RAPGEF2: variants seen among roughly 807,000 people sequenced by gnomAD.
RAPGEF2 encodes PDZ domain containing guanine nucleotide exchange factor (GEF) 1.
In RAPGEF2, 54 loss-of-function variants were observed where a neutral mutation model predicts 186.7. The observed-to-expected ratio is 0.29, with a 90% confidence interval of 0.23 to 0.36. The LOEUF is 0.36. Ranked by LOEUF, RAPGEF2 falls within the 10% of genes least tolerant of loss-of-function variation. The pLI, the probability that RAPGEF2 is intolerant of heterozygous loss-of-function variation, is 1.00. For missense variants in RAPGEF2, 1,532 were observed against 2,045.0 expected (o/e 0.75, Z 4.84); for synonymous variants, 712 against 705.9 (o/e 1.01, Z -0.14).
intron 1 of RAPGEF2, among the ~76,000 whole-genome samples, chr4:159,180,358 A>C (rs1257386053): frequency 6.6e-6 from 1 of 152,194 alleles, no homozygotes; most frequent in Non-Finnish European, 1.5e-5. Context: ...CTACATACCC[A>C]AATCCACGTT....
At chr4:159,238,307 T>C (rs1753544723) in intron 4 of RAPGEF2, among the ~76,000 whole-genome samples, 1 of 152,228 alleles carries the variant, frequency 6.6e-6, no homozygotes, top group Non-Finnish European at 1.5e-5. Flanking sequence ...AGTATCTTTT[T>C]CTTAAAACAT....
At chr4:159,163,918 C>A (rs192311555) in intron 1 of RAPGEF2, among the ~76,000 whole-genome samples, 3 of 151,956 alleles carry the variant, frequency 2.0e-5, no homozygotes, top group Admixed American at 2.0e-4. Context: ...GGTTGTATCT[C>A]ACATATCAGG....
rs371714390 is a variant in RAPGEF2, at chr4:159,268,192, A to C, written c.543+24401A>C. The C allele has an allele frequency of 3.1e-6, 5 of 1,608,460 alleles. No homozygotes were observed. The highest frequency in any genetic ancestry group is 1.3e-5 in the African/African-American group (1 of 74,764). On this transcript the variant is annotated intron_variant, in intron 7 of 29. Coordinates refer to ENST00000691494, the MANE Select transcript of RAPGEF2 (RefSeq NM_001394067.2). ...AGCAATCCCAGCTAACCATGGAGTT[A>C]TGGGCCAGCAGGAGAAACACTCAGT... is the stretch of plus-strand genomic sequence containing the variant.
intron 9 of RAPGEF2, among the ~76,000 whole-genome samples, chr4:159,321,636 C>G (rs1765246717): frequency 6.6e-6 from 1 of 152,136 alleles, no homozygotes; most frequent in Non-Finnish European, 1.5e-5. Context: ...ATTAGTAAAG[C>G]TACTGAATGA....
intron 7 of RAPGEF2, among the ~76,000 whole-genome samples, chr4:159,276,419 A>T (rs1000533699): frequency 2.0e-5 from 3 of 152,212 alleles, no homozygotes; most frequent in Admixed American, 6.5e-5. Context: ...TGTCAAAATC[A>T]TAGTATTTTA....
At chr4:159,316,475 A>C (rs1764619831) in intron 9 of RAPGEF2, among the ~76,000 whole-genome samples, 2 of 151,968 alleles carry the variant, frequency 1.3e-5, no homozygotes, top group Admixed American at 1.3e-4. Context: ...CCCACCCTCT[A>C]ACCTTCCGAA....
chr4:159,231,743 T>G (rs572204155), intron 4 of RAPGEF2, among the ~76,000 whole-genome samples: 2 of 152,280 alleles, frequency 1.3e-5, no homozygotes, highest in South Asian at 4.1e-4. Flanking sequence ...ATTTCATATT[T>G]CCAGAGTAGG....
intron 7 of RAPGEF2, among the ~76,000 whole-genome samples, chr4:159,264,037 T>C (rs916012234): frequency 7.9e-5 from 12 of 152,208 alleles, no homozygotes; most frequent in Admixed American, 1.3e-4. Context: ...ATGGGGTAAA[T>C]ATAACCCAAA....
intron 19 of RAPGEF2, 103 bp from the exon 20 acceptor site, chr4:159,341,461 A>G (rs1462504482): frequency 1.7e-6 from 2 of 1,179,118 alleles, no homozygotes; most frequent in African/African-American, 1.5e-5. Flanking sequence ...AATTCAAATC[A>G]GTGCTCTCTC....
intron 29 of RAPGEF2, among the ~76,000 whole-genome samples, chr4:159,357,556 C>T (rs2111360015): frequency 6.6e-6 from 1 of 152,158 alleles, no homozygotes; most frequent in East Asian, 1.9e-4. Context: ...TAGAAAAAAG[C>T]AACACGTGAC....
chr4:159,336,534 G>A (rs969400896), intron 17 of RAPGEF2, among the ~76,000 whole-genome samples: 1 of 152,158 alleles, frequency 6.6e-6, no homozygotes, highest in Non-Finnish European at 1.5e-5. Context: ...ATTCTGTGGT[G>A]TAGCTATAAA....
intron 7 of RAPGEF2, among the ~76,000 whole-genome samples, chr4:159,260,980 C>T (rs1337863305): frequency 6.6e-6 from 1 of 152,182 alleles, no homozygotes; most frequent in Non-Finnish European, 1.5e-5. Context: ...GAACTCCTGA[C>T]CTCAGGTGAT....
At chr4:159,277,188 C>T (rs867239438) in intron 7 of RAPGEF2, among the ~76,000 whole-genome samples, 1 of 151,664 alleles carries the variant, frequency 6.6e-6, no homozygotes, top group Non-Finnish European at 1.5e-5. Flanking sequence ...GTTTTCTGTC[C>T]TTGTGATAGT....
At chr4:159,188,621 A>G (rs1443682882) in intron 2 of RAPGEF2, among the ~76,000 whole-genome samples, 7 of 148,372 alleles carry the variant, frequency 4.7e-5, no homozygotes. Flanking sequence ...CAGAAATCGC[A>G]CCACCGCACT....
intron 7 of RAPGEF2, among the ~76,000 whole-genome samples, chr4:159,249,439 T>C (rs1258448534): frequency 3.9e-5 from 6 of 152,022 alleles, no homozygotes; most frequent in Non-Finnish European, 8.8e-5. Context: ...TGGTTTTGAA[T>C]GCAGTTTTAA....
At chr4:159,137,238 G>A (rs967540324) in intron 1 of RAPGEF2, among the ~76,000 whole-genome samples, 5 of 152,122 alleles carry the variant, frequency 3.3e-5, no homozygotes, top group Admixed American at 6.5e-5. Context: ...AGTCCTGGAG[G>A]CCAGAAGTCC....
intron 7 of RAPGEF2, among the ~76,000 whole-genome samples, chr4:159,252,868 GAAAC>G (rs1378959854): frequency 6.6e-6 from 1 of 152,080 alleles, no homozygotes; most frequent in Non-Finnish European, 1.5e-5. Flanking sequence ...ATTAAAAATT[GAAAC>G]AAAAAGTTTT....
At chr4:159,143,557 A>G (rs1742581881) in intron 1 of RAPGEF2, among the ~76,000 whole-genome samples, 1 of 152,198 alleles carries the variant, frequency 6.6e-6, no homozygotes, top group South Asian at 2.1e-4. Context: ...TTGTAATACC[A>G]TGTGATATAA....
At chr4:159,324,296 G>A (rs1043790168) in intron 11 of RAPGEF2, among the ~76,000 whole-genome samples, 2 of 152,136 alleles carry the variant, frequency 1.3e-5, no homozygotes, top group Non-Finnish European at 2.9e-5. Context: ...CCAAAGTGCT[G>A]GGATTACAGG....
Sources: allele counts gnomAD v4.1 joint callset (sites outside exome capture counted in the v4.1 genomes callset), GRCh38; gene constraint gnomAD v4.1.1; transcripts MANE v1.5; gene names NCBI Gene and HGNC (gene_info 2026-07-23, HGNC 2026-07-21).